The following EPM2A variants were observed in gnomAD, a reference collection of about 807,000 sequenced individuals.
The protein encoded by EPM2A is EPM2A glucan phosphatase, laforin, also known as laforin.
In EPM2A, 21 loss-of-function variants were observed where a neutral mutation model predicts 26.5. The ratio of observed to expected loss-of-function variants is 0.79; its 90% CI spans 0.56 to 1.14. The LOEUF (loss-of-function observed/expected upper bound fraction) is 1.14. Ranked by LOEUF, EPM2A falls within the 50% of genes most tolerant of loss-of-function variation. EPM2A has a pLI of 0.00. For synonymous variants in EPM2A, 217 were observed against 177.6 expected (o/e 1.22, Z -1.76); for missense variants, 458 against 440.8 (o/e 1.04, Z -0.35).
At chr6:145,481,726 C>T (rs963284369) in intron 4 of EPM2A, among the ~76,000 whole-genome samples, 5 of 152,020 alleles carry the variant, frequency 3.3e-5, no homozygotes, top group Non-Finnish European at 5.9e-5. Flanking sequence ...TTATTTTAAG[C>T]CACTAAGTTT....
chr6:145,425,116 C>CCCTTCTTTCCTTCCTT (rs1554235711), intron 4 of EPM2A, among the ~76,000 whole-genome samples: 1 of 131,846 alleles, frequency 7.6e-6, no homozygotes, highest in African/African-American at 2.7e-5. Context: ...ATGTAAGTCT[C>CCCTTCTTTCCTTCCTT]CCTTCCTTCC....
intron 4 of EPM2A, among the ~76,000 whole-genome samples, chr6:145,386,850 C>T (rs1402838565): frequency 1.3e-5 from 2 of 152,148 alleles, no homozygotes; most frequent in Non-Finnish European, 2.9e-5. Context: ...TGGGATTTTT[C>T]GTTCCTTTTC....
intron 4 of EPM2A, among the ~76,000 whole-genome samples, chr6:145,421,569 G>T (rs1778781030): frequency 6.6e-6 from 1 of 151,644 alleles, no homozygotes; most frequent in African/African-American, 2.4e-5. Context: ...AAGAGAAGTT[G>T]TTTAAAAAAA....
At chr6:145,645,999 G>T (rs1326054514) in intron 2 of EPM2A, among the ~76,000 whole-genome samples, 2 of 152,096 alleles carry the variant, frequency 1.3e-5, no homozygotes, top group Non-Finnish European at 1.5e-5. Context: ...GAAGAGTCTG[G>T]ATCTCAAATT....
intron 2 of EPM2A, among the ~76,000 whole-genome samples, chr6:145,528,097 G>T (rs1780303722): frequency 6.6e-6 from 1 of 152,182 alleles, no homozygotes; most frequent in Non-Finnish European, 1.5e-5. Context: ...TGCAAGCGGT[G>T]AGAAAGCTGC....
chr6:145,596,536 C>CTT (rs1781345214), intron 2 of EPM2A, among the ~76,000 whole-genome samples: 2 of 152,094 alleles, frequency 1.3e-5, no homozygotes, highest in South Asian at 4.1e-4. Flanking sequence ...ACTCTGTACT[C>CTT]TTGAGTATAT....
chr6:145,463,504 A>G (rs1377852633), intron 4 of EPM2A: 2 of 152,124 alleles, frequency 1.3e-5, no homozygotes, highest in African/African-American at 4.8e-5. Flanking sequence ...TTGTTTTTAA[A>G]CACATTTTTT....
At chr6:145,486,055 C>T (rs918654556) in intron 4 of EPM2A, among the ~76,000 whole-genome samples, 1 of 152,164 alleles carries the variant, frequency 6.6e-6, no homozygotes, top group Admixed American at 6.5e-5. Flanking sequence ...CAAACCAAAG[C>T]CAAGAAATTT....
At chr6:145,523,974 A>G (rs1048396106) in intron 2 of EPM2A, among the ~76,000 whole-genome samples, 4 of 152,106 alleles carry the variant, frequency 2.6e-5, no homozygotes, top group Non-Finnish European at 5.9e-5. Context: ...CTCAGTATCT[A>G]CTGTTCCCAA....
intron 2 of EPM2A, among the ~76,000 whole-genome samples, chr6:145,667,724 T>A (rs534571245): frequency 7.6e-6 from 1 of 131,648 alleles, no homozygotes; most frequent in East Asian, 2.3e-4. Context: ...CGTATGTTTA[T>A]TGCAGCATTA....
chr6:145,390,062 G>T (rs958643827), intron 4 of EPM2A, among the ~76,000 whole-genome samples: 1 of 152,198 alleles, frequency 6.6e-6, no homozygotes, highest in Non-Finnish European at 1.5e-5. Flanking sequence ...GCAAGAAGGA[G>T]AGATAGATTT....
intron 2 of EPM2A, among the ~76,000 whole-genome samples, chr6:145,586,504 T>G (rs1393203801): frequency 1.3e-5 from 2 of 152,198 alleles, no homozygotes; most frequent in East Asian, 3.8e-4. Flanking sequence ...GAACTGTTTA[T>G]CCTTTTAATT....
At chr6:145,617,079 G>A (rs907181689) in intron 2 of EPM2A, among the ~76,000 whole-genome samples, 3 of 152,134 alleles carry the variant, frequency 2.0e-5, no homozygotes, top group African/African-American at 7.2e-5. Flanking sequence ...TGGATTGGCT[G>A]TGTCCCTACC....
chr6:145,466,114 C>T (rs1024347818), intron 4 of EPM2A, among the ~76,000 whole-genome samples: 7 of 151,308 alleles, frequency 4.6e-5, no homozygotes, highest in Non-Finnish European at 8.8e-5. Flanking sequence ...AAAGCAATGG[C>T]AACAAAAGCC....
intron 2 of EPM2A, among the ~76,000 whole-genome samples, chr6:145,580,380 T>C (rs1439838990): frequency 6.6e-6 from 1 of 152,178 alleles, no homozygotes; most frequent in African/African-American, 2.4e-5. Context: ...AATAACACTA[T>C]TATTGGAATA....
At chr6:145,646,079 C>T (rs1777439111) in intron 2 of EPM2A, among the ~76,000 whole-genome samples, 1 of 152,140 alleles carries the variant, frequency 6.6e-6, no homozygotes, top group African/African-American at 2.4e-5. Context: ...AGAGCATTCA[C>T]TCCAGCAGCC....
chr6:145,536,407 T>TG (rs1450289155), intron 2 of EPM2A, among the ~76,000 whole-genome samples: 6 of 152,166 alleles, frequency 3.9e-5, no homozygotes, highest in Non-Finnish European at 7.3e-5. Context: ...GCAAGTCTCC[T>TG]GCCTCAGCCT....
At chr6:145,728,253 T>C (rs1021442553) in intron 1 of EPM2A, among the ~76,000 whole-genome samples, 1 of 152,224 alleles carries the variant, frequency 6.6e-6, no homozygotes, top group Non-Finnish European at 1.5e-5. Context: ...ACTATAAAGA[T>C]ACCTGAAAAT....
intron 4 of EPM2A, among the ~76,000 whole-genome samples, chr6:145,394,334 CAGTTGCCACTGAGCACCAGGCT>C (rs1329390507): frequency 6.6e-6 from 1 of 152,144 alleles, no homozygotes; most frequent in Non-Finnish European, 1.5e-5. Flanking sequence ...ATTAGCTTCT[CAGTTGCCACTGAGCACCAGGCT>C]TTTAAAAAAC....
Sources: allele counts gnomAD v4.1 joint callset (sites outside exome capture counted in the v4.1 genomes callset), GRCh38; gene constraint gnomAD v4.1.1; transcripts MANE v1.5; gene names NCBI Gene and HGNC (gene_info 2026-07-23, HGNC 2026-07-21).